SPON1: variants seen among roughly 807,000 people sequenced by gnomAD.
The protein encoded by SPON1 is spondin-1.
A neutral mutation model predicts 111.7 loss-of-function variants in SPON1; 52 were observed. The observed-to-expected ratio is 0.47, with a 90% CI of 0.37 to 0.59. The LOEUF (loss-of-function observed/expected upper bound fraction) is 0.59, where lower values mean the gene tolerates loss of function less well. Ranked by LOEUF, SPON1 falls within the 20% of genes least tolerant of loss-of-function variation. The pLI is 0.00. For missense variants in SPON1, 957 were observed against 1,068.5 expected, an observed-to-expected ratio of 0.90 and a Z score of 1.46; for synonymous variants, 410 against 395.8, an observed-to-expected ratio of 1.04 and a Z score of -0.43.
At chr11:14,090,790 T>G (rs754261728) in intron 5 of SPON1, among the ~76,000 whole-genome samples, 14 of 142,818 alleles carry the variant, frequency 9.8e-5, no homozygotes, top group Non-Finnish European at 1.5e-4. Flanking sequence ...TTGCCACTGC[T>G]GGCTCCCGCA....
chr11:14,262,209 T>G (rs368304812), intron 14 of SPON1, among the ~76,000 whole-genome samples: 4 of 152,194 alleles, frequency 2.6e-5, no homozygotes, highest in Non-Finnish European at 4.4e-5. Context: ...CAGGATGATG[T>G]TGAGAATGAA....
intron 6 of SPON1, among the ~76,000 whole-genome samples, chr11:14,143,163 A>C (rs567171632): frequency 1.6e-4 from 24 of 152,306 alleles, no homozygotes; most frequent in African/African-American, 5.8e-4. Flanking sequence ...TGCCCCCTGC[A>C]TCAGATATCT....
chr11:13,962,740 C>A lies in SPON1; in HGVS notation c.-165C>A. On this transcript the variant is annotated 5_prime_UTR_variant, in exon 1 of 16. Transcript: ENST00000576479. ...CTCAGCTCAGCTCAGCGCAGCTCCG[C>A]GGCCGCCAAGCCGAGGCGGGCACGG... is the stretch of plus-strand genomic sequence containing the variant. 1.6e-6 allele frequency: 1 copy of A among 623,144 alleles called. No homozygotes were observed. The highest frequency in any genetic ancestry group is 2.6e-6 in the Non-Finnish European group (1 of 386,432). The allele number at this position is 623,144 out of a possible 1,614,324, so 38.6% of individuals were successfully genotyped here. A position where few individuals can be genotyped will look rare whatever the true frequency, so the allele number is the denominator to read the frequency against.
chr11:13,996,875 T>C (rs1039142126), intron 2 of SPON1, among the ~76,000 whole-genome samples: 1 of 152,236 alleles, frequency 6.6e-6, no homozygotes, highest in African/African-American at 2.4e-5. Flanking sequence ...AATGGCTTTG[T>C]AATACTCCAT....
chr11:14,223,548 G>A lies in SPON1; in HGVS notation c.826-19784G>A, dbSNP rs1015769735. 4.6e-5 allele frequency among the ~76,000 whole-genome samples: 7 copies of A among 152,170 alleles called. 1 individual carries two copies. Among genetic ancestry groups the A allele is most frequent in the South Asian group, 4.1e-4 (2 of 4,834 alleles). On this transcript the variant is annotated intron_variant, in intron 6 of 15. Transcript: ENST00000576479. The stretch of plus-strand genomic sequence containing the variant: ...TTGGTAGCAGGACATGTGGAAAGCC[G>A]TAAGATGAATGTCATTCGGTTCTGT...
chr11:14,040,487 A>G (rs1848623806), intron 2 of SPON1, among the ~76,000 whole-genome samples: 1 of 152,182 alleles, frequency 6.6e-6, no homozygotes, highest in Non-Finnish European at 1.5e-5. Context: ...AGTAGGATAA[A>G]AAGTATAAAG....
chr11:14,020,992 G>C (rs1848477332), intron 2 of SPON1, among the ~76,000 whole-genome samples: 1 of 152,156 alleles, frequency 6.6e-6, no homozygotes, highest in African/African-American at 2.4e-5. Flanking sequence ...AGATTTGGCA[G>C]ATTTACATGT....
intron 2 of SPON1, among the ~76,000 whole-genome samples, chr11:14,036,218 G>C (rs1848593322): frequency 6.6e-6 from 1 of 152,146 alleles, no homozygotes; most frequent in African/African-American, 2.4e-5. Context: ...AATGATATTT[G>C]TGTTTTTAAA....
At chr11:14,116,795 C>T (rs540322417) in intron 5 of SPON1, among the ~76,000 whole-genome samples, 12 of 152,122 alleles carry the variant, frequency 7.9e-5, no homozygotes, top group East Asian at 5.8e-4. Flanking sequence ...CATAGAAAAA[C>T]GTGGGGAGAT....
intron 1 of SPON1, among the ~76,000 whole-genome samples, chr11:13,973,091 A>G (rs1405792278): frequency 6.6e-6 from 1 of 152,128 alleles, no homozygotes; most frequent in African/African-American, 2.4e-5. Context: ...TCTCCAAATG[A>G]CAGGGAGGAT....
chr11:13,963,790 A>C (rs951125158), intron 1 of SPON1, among the ~76,000 whole-genome samples: 8 of 152,202 alleles, frequency 5.3e-5, no homozygotes, highest in Non-Finnish European at 7.3e-5. Flanking sequence ...GACGAGATAG[A>C]GTATCTTGGG....
chr11:14,149,077 AT>A (rs1376406335), intron 6 of SPON1, among the ~76,000 whole-genome samples: 1 of 151,920 alleles, frequency 6.6e-6, no homozygotes, highest in Non-Finnish European at 1.5e-5. Context: ...ACTCCTACTT[AT>A]TTTTTTTAAG....
rs370794058 is a variant in SPON1 at position 14,091,525 on chromosome 11, G to A, written c.676+11504G>A. Among the ~76,000 whole-genome samples the A allele has an allele frequency of 2.2e-4, 34 of 152,236 alleles. No homozygotes were observed. In the East Asian group the frequency reaches 5.1e-3, roughly 23 times the overall value. On this transcript the variant is annotated intron_variant, in intron 5 of 15. Transcript: ENST00000576479. ...AAATTGAGCGCAGCACCGGTGGGCC[G>A]GCACTGCTGGGGGACCCAGTACACC... is the stretch of plus-strand genomic sequence containing the variant.
At chr11:14,117,021 A>G (rs1287428311) in intron 5 of SPON1, among the ~76,000 whole-genome samples, 1 of 152,198 alleles carries the variant, frequency 6.6e-6, no homozygotes, top group Non-Finnish European at 1.5e-5. Context: ...TGTCACTGGT[A>G]TATAGGAATA....
chr11:14,248,709 T>G (rs561990787), intron 7 of SPON1, among the ~76,000 whole-genome samples: 23 of 152,258 alleles, frequency 1.5e-4, no homozygotes, highest in African/African-American at 5.5e-4. Flanking sequence ...CTGATTGAGG[T>G]TAATGGGATT....
rs1438650344 is a variant in SPON1 at position 14,154,362 on chromosome 11, C to T, written c.825+18794C>T. ...ATATGTCAGCCTCAACTTTTGCCACCTGCACACTCACAGGCTTAACACTGT... is the reference window on the plus strand; with the variant it reads ...ATATGTCAGCCTCAACTTTTGCCACTTGCACACTCACAGGCTTAACACTGT... On this transcript the variant is annotated intron_variant, in intron 6 of 15. Transcript: ENST00000576479. 4.6e-5 allele frequency among the ~76,000 whole-genome samples: 7 copies of T among 152,246 alleles called. No homozygotes were observed. In the East Asian group the frequency reaches 1.3e-3, roughly 29 times the overall value.
At chr11:14,150,110 G>A (rs1178880080) in intron 6 of SPON1, among the ~76,000 whole-genome samples, 1 of 152,020 alleles carries the variant, frequency 6.6e-6, no homozygotes, top group African/African-American at 2.4e-5. Flanking sequence ...AAAAATTGGT[G>A]TATATACACA....
intron 6 of SPON1, among the ~76,000 whole-genome samples, chr11:14,178,295 G>A (rs535421114): frequency 3.9e-5 from 6 of 152,066 alleles, no homozygotes; most frequent in South Asian, 2.1e-4. Flanking sequence ...GGTGGCGGGC[G>A]CCTGTAGTCC....
rs1849293093 is a variant in SPON1, at chr11:14,268,133, A to G, written c.*2446A>G. Among the ~76,000 whole-genome samples the G allele has an allele frequency of 6.6e-6, 1 of 152,174 alleles. No homozygotes were observed. Among genetic ancestry groups the G allele is most frequent in the Non-Finnish European group, 1.5e-5 (1 of 68,030 alleles). The stretch of plus-strand genomic sequence containing the variant: ...AAACATCGTGCTGTTTTTAATTTGA[A>G]CTTTGCATATTGAACATATTTTAGG... On this transcript the variant is annotated 3_prime_UTR_variant, in exon 16 of 16. Coordinates refer to ENST00000576479, the MANE Select transcript of SPON1 (RefSeq NM_006108.4).
Sources: gnomAD v4.1 joint callset for allele counts (sites outside exome capture counted in the v4.1 genomes callset) on GRCh38, gnomAD v4.1.1 for gene constraint, MANE v1.5 for transcripts, NCBI Gene and HGNC (gene_info 2026-07-23, HGNC 2026-07-21) for gene names.